The following PCDH9 variants were observed in gnomAD, a reference collection of about 807,000 sequenced individuals.
The protein encoded by PCDH9 is protocadherin 9.
A neutral mutation model predicts 70.6 loss-of-function variants in PCDH9; 24 were observed. The ratio of observed to expected loss-of-function variants is 0.34; its 90% CI spans 0.25 to 0.48. The LOEUF is 0.48. PCDH9 is among the 20% of genes least tolerant of loss of function. The pLI is 0.99. For synonymous variants in PCDH9, 562 were observed against 558.5 expected, an observed-to-expected ratio of 1.01 and a Z score of -0.09; for missense variants, 1,281 against 1,503.6, an observed-to-expected ratio of 0.85 and a Z score of 2.45.
chr13:66,381,929 A>T (rs1478775619), intron 4 of PCDH9, among the ~76,000 whole-genome samples: 1 of 152,110 alleles, frequency 6.6e-6, no homozygotes, highest in Non-Finnish European at 1.5e-5. Context: ...TTTGCCATCT[A>T]TACCAAGGGC....
chr13:66,589,965 A>AT (rs2077017655), intron 4 of PCDH9, among the ~76,000 whole-genome samples: 1 of 152,086 alleles, frequency 6.6e-6, no homozygotes, highest in Admixed American at 6.6e-5. Flanking sequence ...TAAAAGTATA[A>AT]TTTTTTAAAA....
At chr13:66,881,605 T>C (rs1163750594) in intron 3 of PCDH9, among the ~76,000 whole-genome samples, 2 of 152,180 alleles carry the variant, frequency 1.3e-5, no homozygotes, top group Non-Finnish European at 2.9e-5. Flanking sequence ...TATAATAATA[T>C]ATGATTCTGA....
Position 67,227,507 on chromosome 13 carries a change from T to G in PCDH9, c.934A>C (p.Ile312Leu). ...CTATCTAAGGACCTCTGAACTGTAA[T>G]CAGCCCAGTAGTATTATTTAAAGCA... ...LFALNNTTGL[I>L]TVQRSLDREE... The change falls in exon 2 of 5, where the codon ATT becomes CTT. Residue 312 changes from isoleucine (I) to leucine (L), a missense_variant. Coordinates refer to ENST00000377865, the MANE Select transcript of PCDH9 (RefSeq NM_203487.3). The surrounding 1 kb of genome is among the most constrained non-coding windows in gnomAD (Gnocchi z 4.6). 6.2e-7 allele frequency: 1 copy of G among 1,613,844 alleles called. No homozygotes were observed. The highest frequency in any genetic ancestry group is 8.5e-7 in the Non-Finnish European group (1 of 1,179,780).
chr13:67,119,789 G>A (rs1241550210), intron 2 of PCDH9, among the ~76,000 whole-genome samples: 1 of 152,046 alleles, frequency 6.6e-6, no homozygotes, highest in Non-Finnish European at 1.5e-5. Context: ...ATGCTGTGGT[G>A]GGGTGAGTCA....
intron 3 of PCDH9, among the ~76,000 whole-genome samples, chr13:66,879,131 A>ATT (rs897626355): frequency 1.3e-5 from 2 of 152,226 alleles, no homozygotes; most frequent in Non-Finnish European, 2.9e-5. Context: ...CTGTCAGCTC[A>ATT]TTTAAAAAGA....
chr13:66,738,875 T>A (rs1298020054), intron 3 of PCDH9, among the ~76,000 whole-genome samples: 5 of 149,668 alleles, frequency 3.3e-5, no homozygotes, highest in Non-Finnish European at 6.0e-5. Flanking sequence ...TTGGTGTACC[T>A]GAAAGTGATG....
intron 3 of PCDH9, among the ~76,000 whole-genome samples, chr13:66,681,968 T>TATATATATATATATATATATATATATA (rs1566502472): frequency 1.8e-4 from 27 of 148,516 alleles, no homozygotes; most frequent in African/African-American, 4.5e-4. Flanking sequence ...TATATATATA[T>TATATATATATATATATATATATATATA]TTGAGAGATT....
chr13:66,375,428 G>GA (rs532186164), intron 4 of PCDH9, among the ~76,000 whole-genome samples: 65 of 150,454 alleles, frequency 4.3e-4, no homozygotes, highest in Admixed American at 1.7e-3. Context: ...AATGTAATAA[G>GA]AAAAAAAAAC....
At chr13:66,714,476 A>C (rs1165733365) in intron 3 of PCDH9, among the ~76,000 whole-genome samples, 2 of 151,806 alleles carry the variant, frequency 1.3e-5, no homozygotes, top group South Asian at 2.1e-4. Context: ...AAAAAAAAAA[A>C]CAAAAAAAGT....
intron 2 of PCDH9, among the ~76,000 whole-genome samples, chr13:66,919,419 T>C (rs750211699): frequency 6.6e-6 from 1 of 151,252 alleles, no homozygotes; most frequent in African/African-American, 2.4e-5. Context: ...GTATGCTAAT[T>C]GTGTGCATGT....
At chr13:67,207,320 G>T (rs937197883) in intron 2 of PCDH9, 6 of 152,104 alleles carry the variant, frequency 3.9e-5, no homozygotes, top group African/African-American at 1.4e-4. Context: ...CTAAGAGAGC[G>T]CAGTGTCTAA....
intron 3 of PCDH9, among the ~76,000 whole-genome samples, chr13:66,670,541 G>A (rs904744644): frequency 9.9e-5 from 15 of 152,098 alleles, no homozygotes; most frequent in Non-Finnish European, 1.8e-4. Context: ...GTGGCATGCA[G>A]TTTTAAAAAG....
intron 2 of PCDH9, among the ~76,000 whole-genome samples, chr13:67,051,383 T>C (rs2085320151): frequency 3.5e-4 from 2 of 5,696 alleles, no homozygotes; most frequent in South Asian, 0.01. Flanking sequence ...CAATACAAGA[T>C]TTTTTTTTTT....
At chr13:66,311,079 G>C (rs1158020552) in intron 4 of PCDH9, among the ~76,000 whole-genome samples, 2 of 152,016 alleles carry the variant, frequency 1.3e-5, no homozygotes, top group African/African-American at 4.8e-5. Context: ...CTGACATTTA[G>C]ATATAGTGAT....
At chr13:66,552,045 T>C (rs188092597) in intron 4 of PCDH9, among the ~76,000 whole-genome samples, 2 of 152,234 alleles carry the variant, frequency 1.3e-5, no homozygotes, top group East Asian at 1.9e-4. Context: ...CAATCCCCTA[T>C]AGAGTTCTCT....
chr13:67,162,315 G>C (rs1213116994), intron 2 of PCDH9, among the ~76,000 whole-genome samples: 1 of 152,150 alleles, frequency 6.6e-6, no homozygotes, highest in Non-Finnish European at 1.5e-5. Context: ...CAAAATACAT[G>C]TCAACTTTCA....
intron 2 of PCDH9, among the ~76,000 whole-genome samples, chr13:67,140,014 AT>A (rs1158229462): frequency 1.3e-5 from 1 of 79,518 alleles, no homozygotes; most frequent in Non-Finnish European, 2.8e-5. Flanking sequence ...TGAAAATGTG[AT>A]TTTTTGATCA....
intron 2 of PCDH9, among the ~76,000 whole-genome samples, chr13:67,079,386 A>G (rs1411495733): frequency 6.6e-6 from 1 of 152,098 alleles, no homozygotes; most frequent in Admixed American, 6.6e-5. Flanking sequence ...GAGGACTATG[A>G]CCTTCTTTTT....
In PCDH9 at chr13:66,815,352, A is replaced by G. The variant is rs548619225; in HGVS notation, c.3138+88152T>C. ...ATGTAAATTAGTTCAACCATTGTGG[A>G]AAGCAGTTCAGCAATTTCTCAAAGA... is the stretch of plus-strand genomic sequence containing the variant. On this transcript the variant is annotated intron_variant, in intron 3 of 4. Transcript: ENST00000377865. Among the ~76,000 whole-genome samples the G allele has an allele frequency of 4.6e-5, 7 of 152,306 alleles. No homozygotes were observed. In the South Asian group the frequency reaches 1.5e-3, roughly 32 times the overall value.
Sources: allele counts gnomAD v4.1 joint callset (sites outside exome capture counted in the v4.1 genomes callset), GRCh38; gene constraint gnomAD v4.1.1; non-coding constraint Gnocchi (gnomAD v3.1); transcripts MANE v1.5; gene names NCBI Gene and HGNC (gene_info 2026-07-23, HGNC 2026-07-21).